Variants in ZNF85 observed in about 807,000 individuals in gnomAD.
ZNF85 encodes the protein zinc finger protein 85.
ZNF85 carries 50 observed loss-of-function variants against 53.9 expected under a neutral mutation model. That is an observed-to-expected ratio of 0.93 (90% CI 0.74 to 1.17). The LOEUF (loss-of-function observed/expected upper bound fraction) is 1.17. Ranked by LOEUF, ZNF85 falls within the 50% of genes most tolerant of loss-of-function variation. ZNF85 has a pLI of 0.00. For synonymous variants in ZNF85, 225 were observed against 226.1 expected (o/e 1.00, Z 0.04); for missense variants, 747 against 688.5 (o/e 1.08, Z -0.95).
At chr19:20,942,681 G>A (rs753203346) in intron 3 of ZNF85, 13 of 567,674 alleles carry the variant, frequency 2.3e-5, no homozygotes, top group Non-Finnish European at 3.8e-5. Flanking sequence ...CGTAATTTTG[G>A]ATTTTCCAGT....
At chr19:20,944,781 T>C (rs918047807) in intron 3 of ZNF85, among the ~76,000 whole-genome samples, 6 of 150,808 alleles carry the variant, frequency 4.0e-5, no homozygotes, top group Non-Finnish European at 8.8e-5. Flanking sequence ...TAGTTAATTG[T>C]GTTTGGATGT....
At chr19:20,939,037 A>G (rs1380716912) in intron 3 of ZNF85, among the ~76,000 whole-genome samples, 1 of 152,148 alleles carries the variant, frequency 6.6e-6, no homozygotes, top group Non-Finnish European at 1.5e-5. Flanking sequence ...TTCTCATTAC[A>G]ATATTCTATT....
chr19:20,931,627 T>C (rs1375968005), intron 1 of ZNF85, among the ~76,000 whole-genome samples: 3 of 147,722 alleles, frequency 2.0e-5, no homozygotes, highest in Non-Finnish European at 4.5e-5. Context: ...TTTCTTTTTT[T>C]TTTTTTTTTT....
At chr19:20,935,751 T>C (rs971546012) in intron 3 of ZNF85, among the ~76,000 whole-genome samples, 3 of 151,810 alleles carry the variant, frequency 2.0e-5, no homozygotes, top group Non-Finnish European at 4.4e-5. Flanking sequence ...GGTTTCTCAA[T>C]GTTGGTCAGG....
chr19:20,942,267 G>GGTGATTCTCTTGCCTCAGCCTTCT (rs546683966), intron 3 of ZNF85, among the ~76,000 whole-genome samples: 1,793 of 151,536 alleles, frequency 0.012, 32 homozygotes, highest in African/African-American at 0.034. Flanking sequence ...TTCAGGTTCA[G>GGTGATTCTCTTGCCTCAGCCTTCT]GAGTAGCTGG....
chr19:20,947,439 T>A (rs746212503), intron 3 of ZNF85, among the ~76,000 whole-genome samples: 4 of 150,994 alleles, frequency 2.6e-5, no homozygotes, highest in Non-Finnish European at 5.9e-5. Context: ...TCTTACATTA[T>A]GTTATTTTTA....
chr19:20,938,390 T>G (rs1400205940), intron 3 of ZNF85, among the ~76,000 whole-genome samples: 3 of 152,170 alleles, frequency 2.0e-5, no homozygotes, highest in Non-Finnish European at 4.4e-5. Flanking sequence ...AATCCTGGCC[T>G]GAAGCAATTC....
intron 3 of ZNF85, among the ~76,000 whole-genome samples, chr19:20,942,061 T>C (rs2144652200): frequency 6.6e-6 from 1 of 152,286 alleles, no homozygotes; most frequent in Non-Finnish European, 1.5e-5. Context: ...TACAAGATCA[T>C]TTGATCATAT....
In ZNF85 at chr19:20,934,104, A is replaced by G. The variant is rs1200799520; in HGVS notation, c.84A>G (p.Leu28=). Residue 28 remains leucine, a synonymous_variant, in exon 2 of 4, where the codon TTA becomes TTG. Coordinates refer to ENST00000328178, the MANE Select transcript of ZNF85 (RefSeq NM_003429.5). ...WQCLDTAQRN[L]YRNVMLENYR... ...GCCTGGACACTGCACAGCGGAATTT[A>G]TATAGAAATGTGATGTTAGAGAACT... The G allele has an allele frequency of 6.2e-7, 1 of 1,612,734 alleles. No homozygotes were observed. Among genetic ancestry groups the G allele is most frequent in the Admixed American group, 1.7e-5 (1 of 59,906 alleles).
At position 20,949,646 on chromosome 19, in the gene ZNF85, G is replaced by A; in HGVS notation, c.1132G>A (p.Ala378Thr). Reference protein sequence around the residue: ...KPYKCEKCGKAFNHFSHLTTH... With the variant: ...KPYKCEKCGKTFNHFSHLTTH... The stretch of plus-strand genomic sequence containing the variant: ...CTACAAATGTGAAAAATGTGGAAAA[G>A]CCTTTAATCATTTCTCACACCTTAC... Residue 378 changes from alanine to threonine, a missense_variant, in exon 4 of 4, where the codon GCC (alanine) becomes ACC (threonine). By Grantham distance (58) the Ala-to-Thr change is moderately conservative. Transcript: ENST00000328178. The A allele has an allele frequency of 1.9e-6, 3 of 1,612,988 alleles. No homozygotes were observed. The highest frequency in any genetic ancestry group is 2.5e-6 in the Non-Finnish European group (3 of 1,179,642).
intron 1 of ZNF85, among the ~76,000 whole-genome samples, chr19:20,933,125 G>T (rs1240960201): frequency 6.6e-6 from 1 of 151,276 alleles, no homozygotes; most frequent in Non-Finnish European, 1.5e-5. Context: ...CCCAGGAGGC[G>T]GAGCTTGCAG....
chr19:20,929,539 C>T (rs1180570599), intron 1 of ZNF85, among the ~76,000 whole-genome samples: 1 of 151,802 alleles, frequency 6.6e-6, no homozygotes. Flanking sequence ...AATAAAATTA[C>T]CCTAGAAAAC....
At chr19:20,942,332 C>G (rs535145716) in intron 3 of ZNF85, among the ~76,000 whole-genome samples, 1 of 151,790 alleles carries the variant, frequency 6.6e-6, no homozygotes, top group Non-Finnish European at 1.5e-5. Flanking sequence ...TTGGTAGAGA[C>G]GGGGTTTCAG....
In ZNF85 at chr19:20,949,921, T is replaced by C; in HGVS notation, c.1407T>C (p.Leu469=). 6.2e-7 allele frequency: 1 copy of C among 1,612,288 alleles called. No individual in the cohort carries two copies. Among genetic ancestry groups the C allele is most frequent in the Non-Finnish European group, 8.5e-7 (1 of 1,179,110 alleles). Residue 469 remains leucine, a synonymous_variant, in exon 4 of 4, where the codon CTT becomes CTC. Transcript: ENST00000328178. ...AAGCTTTTAACCAGTCCTCAAATCT[T>C]ACTAGACATAAGAAAAGTCATACAG... The part of the protein sequence containing the change: ...CGKAFNQSSN[L]TRHKKSHTEE...
chr19:20,949,944 C>G lies in ZNF85; in HGVS notation c.1430C>G (p.Thr477Arg), dbSNP rs1973534857. 2 of 1,612,382 alleles carry G rather than the reference C, an allele frequency of 1.2e-6. No homozygotes were observed. The highest frequency in any genetic ancestry group is 2.2e-5 in the East Asian group (1 of 44,806). The change falls in exon 4 of 4, where the codon ACA (threonine) becomes AGA (arginine). Residue 477 changes from threonine to arginine, a missense_variant. Thr to Arg is a moderately conservative substitution (Grantham distance 71). Coordinates refer to ENST00000328178, the MANE Select transcript of ZNF85 (RefSeq NM_003429.5). ...CTTACTAGACATAAGAAAAGTCATACAGAAGAGAAACCTTACAAATGTGAA... is the reference window on the plus strand; with the variant it reads ...CTTACTAGACATAAGAAAAGTCATAGAGAAGAGAAACCTTACAAATGTGAA... ...SNLTRHKKSH[T>R]EEKPYKCEEC...
At chr19:20,931,695 C>T in intron 1 of ZNF85, among the ~76,000 whole-genome samples, 1 of 145,878 alleles carries the variant, frequency 6.9e-6, no homozygotes, top group East Asian at 2.0e-4. Flanking sequence ...GCAACCTCTG[C>T]CTGCTGGGTT....
chr19:20,934,840 G>T, intron 2 of ZNF85, 109 bp from the exon 3 acceptor site: 13 of 532,984 alleles, frequency 2.4e-5, no homozygotes, highest in East Asian at 1.2e-4. Context: ...ATTTGAAAAT[G>T]TCTGTTATAA....
At chr19:20,941,325 AGCATGAACTGAGCTCACTGCAGCCTCT>A (rs1973290141) in intron 3 of ZNF85, among the ~76,000 whole-genome samples, 1 of 151,940 alleles carries the variant, frequency 6.6e-6, no homozygotes, top group Admixed American at 6.6e-5. Flanking sequence ...GGTGTGCAGT[AGCATGAACTGAGCTCACTGCAGCCTCT>A]GCCTCTGGGG....
chr19:20,933,429 C>T (rs921329199), intron 1 of ZNF85, among the ~76,000 whole-genome samples: 2 of 151,118 alleles, frequency 1.3e-5, no homozygotes, highest in African/African-American at 4.9e-5. Flanking sequence ...TCTTTGTTTA[C>T]AGGCCAGAAA....
Sources: gnomAD v4.1 joint callset for allele counts (sites outside exome capture counted in the v4.1 genomes callset) on GRCh38, gnomAD v4.1.1 for gene constraint, MANE v1.5 for transcripts, NCBI Gene and HGNC (gene_info 2026-07-23, HGNC 2026-07-21) for gene names.